EFNA3: variants seen among roughly 807,000 people sequenced by gnomAD.
EFNA3 encodes the protein ephrin-A3.
Under a neutral mutation model 25.0 loss-of-function variants are expected in EFNA3, and 15 were observed. The ratio of observed to expected loss-of-function variants is 0.60; its 90% CI spans 0.40 to 0.92. EFNA3 has a LOEUF of 0.92. Ranked by LOEUF, EFNA3 falls within the 40% of genes least tolerant of loss-of-function variation. The pLI is 0.00. For missense variants in EFNA3, 298 were observed against 323.8 expected, an observed-to-expected ratio of 0.92 and a Z score of 0.61; for synonymous variants, 153 against 145.6, an observed-to-expected ratio of 1.05 and a Z score of -0.37.
At position 155,085,536 on chromosome 1, in the gene EFNA3, G is replaced by A. The variant is rs1260475410; in HGVS notation, c.442+132G>A. 1.7e-6 allele frequency: 2 copies of A among 1,182,714 alleles called. No individual in the cohort carries two copies. The highest frequency in any genetic ancestry group is 2.9e-5 in the Admixed American group (1 of 34,480). The allele number at this position is 1,182,714 out of a possible 1,614,324, so 73.3% of individuals were successfully genotyped here. ...GTCTCGCGGCTGAGACCAGGGAGGA[G>A]GCGTGGGCACGGGACGCCTGAGGGG... On this transcript the variant is annotated intron_variant, in intron 2 of 4. Transcript: ENST00000368408. The surrounding 1 kb of genome is among the most constrained non-coding windows in gnomAD (Gnocchi z 4.4).
At position 155,085,774 on chromosome 1, in the gene EFNA3, C is replaced by T. The variant is rs538950545; in HGVS notation, c.443-103C>T. The T allele has an allele frequency of 9.2e-4, 1,306 of 1,416,678 alleles. 1 individual carries two copies. Among genetic ancestry groups the T allele is most frequent in the Non-Finnish European group, 1.1e-3 (1,121 of 1,029,768 alleles). 87.8% of individuals were successfully genotyped at this position (1,416,678 alleles called of 1,614,324 possible). On this transcript the variant is annotated intron_variant, in intron 2 of 4. Transcript: ENST00000368408. This position sits in a 1 kb window ranked among gnomAD's most constrained non-coding sequence, Gnocchi z 4.4. Reference sequence around the variant, plus strand: ...AGGGTAGGGGAGCTCCTGAAGGAGACCGCCCGACGGGGACAGTTTGGAGGG... The same window carrying T: ...AGGGTAGGGGAGCTCCTGAAGGAGATCGCCCGACGGGGACAGTTTGGAGGG...
At position 155,079,203 on chromosome 1, in the gene EFNA3, G is replaced by A. The variant is rs1320908527; in HGVS notation, c.128+134G>A. 1.5e-5 allele frequency: 16 copies of A among 1,042,162 alleles called. No homozygotes were observed. Among genetic ancestry groups the A allele is most frequent in the African/African-American group, 1.3e-4 (8 of 59,810 alleles). The allele number at this position is 1,042,162 out of a possible 1,614,324, so 64.6% of individuals were successfully genotyped here. On this transcript the variant is annotated intron_variant, in intron 1 of 4. Coordinates refer to ENST00000368408, the MANE Select transcript of EFNA3 (RefSeq NM_004952.5). The surrounding 1 kb of genome is among the most constrained non-coding windows in gnomAD (Gnocchi z 7.7). ...GCTGGGGGCTGGGAGGGGACGGAGA[G>A]GGGGACGCACTCTGTGGGCGTCTAG...
At chr1:155,083,320 C>A (rs1192851689) in intron 1 of EFNA3, among the ~76,000 whole-genome samples, 2 of 152,196 alleles carry the variant, frequency 1.3e-5, no homozygotes, top group African/African-American at 4.8e-5. Context: ...CCACTGGAGG[C>A]CCCCTCCCCA....
In EFNA3 at chr1:155,086,708, C is replaced by T. The variant is rs965888128; in HGVS notation, c.*165C>T. The T allele has an allele frequency of 2.4e-6, 2 of 834,454 alleles. No homozygotes were observed. Among genetic ancestry groups the T allele is most frequent in the South Asian group, 1.8e-5 (1 of 56,440 alleles). The allele number at this position is 834,454 out of a possible 1,614,324, so 51.7% of individuals were successfully genotyped here. A position where few individuals can be genotyped will look rare whatever the true frequency, so the allele number is the denominator to read the frequency against. ...GTCCGCCCCCTCTACCCCTTCCCCC[C>T]ACGTAGGGCACTGTAGTGGACCAAG... On this transcript the variant is annotated 3_prime_UTR_variant, in exon 5 of 5. Coordinates refer to ENST00000368408, the MANE Select transcript of EFNA3 (RefSeq NM_004952.5).
At chr1:155,086,352 C>CT (rs1663462199) in intron 4 of EFNA3, 61 bp from the exon 5 acceptor site, 1 of 1,602,896 alleles carries the variant, frequency 6.2e-7, no homozygotes, top group African/African-American at 1.3e-5. Flanking sequence ...GCTGCTGCCG[C>CT]GTGCCCCTGC....
In EFNA3 at chr1:155,079,870, C is replaced by A. The variant is rs1663307400; in HGVS notation, c.128+801C>A. On this transcript the variant is annotated intron_variant, in intron 1 of 4. Coordinates refer to ENST00000368408, the MANE Select transcript of EFNA3 (RefSeq NM_004952.5). This position sits in a 1 kb window ranked among gnomAD's most constrained non-coding sequence, Gnocchi z 7.7. ...AGCGGGCTGCGGGTCGGGGAAGGGG[C>A]TGCGGTCGCTGTCCGCGCGGCCAGC... Among the ~76,000 whole-genome samples the A allele has an allele frequency of 6.6e-6, 1 of 151,898 alleles. No homozygotes were observed. Among genetic ancestry groups the A allele is most frequent in the South Asian group, 2.1e-4 (1 of 4,816 alleles).
chr1:155,087,401 C>T lies in EFNA3; in HGVS notation c.*858C>T, dbSNP rs930848158. ...CGCCCCCTCCCTTCCAGCCCTGAGC[C>T]GGGAACCATCTCCCAGGACCTTGCC... On this transcript the variant is annotated 3_prime_UTR_variant, in exon 5 of 5. Transcript: ENST00000368408. 3 of 152,940 alleles carry T rather than the reference C, an allele frequency of 2.0e-5. No homozygotes were observed. The highest frequency in any genetic ancestry group is 7.2e-5 in the African/African-American group (3 of 41,444). 9.5% of individuals were successfully genotyped at this position (152,940 alleles called of 1,614,324 possible).
rs1663340544 is a variant in EFNA3, at chr1:155,081,358, A to AG, written c.128+2295dup. ...CCTAAGCCGGGAATCGAACTTGGTGAGGGGGGTTGGGACGGCCGATGGCCA... is the reference window on the plus strand; with the variant it reads ...CCTAAGCCGGGAATCGAACTTGGTGAGGGGGGGTTGGGACGGCCGATGGCCA... On this transcript the variant is annotated intron_variant, in intron 1 of 4. Transcript: ENST00000368408. This position sits in a 1 kb window ranked among gnomAD's most constrained non-coding sequence, Gnocchi z 5.2. Among the ~76,000 whole-genome samples, 1 of 152,124 alleles carries AG rather than the reference A, an allele frequency of 6.6e-6. No homozygotes were observed.
rs200132180 is a variant in EFNA3, at chr1:155,086,587, G to A, written c.*44G>A. 13,053 of 1,607,184 alleles carry A rather than the reference G, an allele frequency of 8.1e-3. 80 individuals carry two copies. The highest frequency in any genetic ancestry group is 9.6e-3 in the Non-Finnish European group (11,344 of 1,176,636). ...GGGGGGAGAGATGGGGCGGGGCTTG[G>A]AAGGAGCAGGGAGCCTTTGGCCTCT... On this transcript the variant is annotated 3_prime_UTR_variant, in exon 5 of 5. Transcript: ENST00000368408.
At chr1:155,086,020 G>A in intron 3 of EFNA3, 78 bp downstream of exon 3, 2 of 1,572,090 alleles carry the variant, frequency 1.3e-6, no homozygotes, top group Non-Finnish European at 8.6e-7. Flanking sequence ...CTGGGGGTGG[G>A]GGCGGAGGGC....
rs762323142 is a variant in EFNA3, at chr1:155,078,939, G to GGGATGGCGGCGGCTCCGC, written c.-2_16dup. On this transcript the variant is annotated 5_prime_UTR_variant, in exon 1 of 5. It adds an upstream start codon to the 5' untranslated region. Transcript: ENST00000368408. ...GGGGGCGGCGGCGGCGGCGGCTCCG[G>GGGATGGCGGCGGCTCCGC]GGATGGCGGCGGCTCCGCTGCTGCT... is the stretch of plus-strand genomic sequence containing the variant. 96 of 1,400,094 alleles carry GGGATGGCGGCGGCTCCGC rather than the reference G, an allele frequency of 6.9e-5. No homozygotes were observed. Among genetic ancestry groups the GGGATGGCGGCGGCTCCGC allele is most frequent in the Non-Finnish European group, 8.9e-5 (96 of 1,077,080 alleles). The allele number at this position is 1,400,094 out of a possible 1,614,324, so 86.7% of individuals were successfully genotyped here. A position where few individuals can be genotyped will look rare whatever the true frequency, so the allele number is the denominator to read the frequency against.
chr1:155,086,358 C>T, intron 4 of EFNA3, 55 bp from the exon 5 acceptor site: 2 of 1,606,440 alleles, frequency 1.2e-6, no homozygotes, highest in Non-Finnish European at 8.5e-7. Context: ...GCCGCGTGCC[C>T]CTGCCCTGGC....
chr1:155,079,197 C>G lies in EFNA3; in HGVS notation c.128+128C>G, dbSNP rs925456238. On this transcript the variant is annotated intron_variant, in intron 1 of 4. Transcript: ENST00000368408. This position sits in a 1 kb window ranked among gnomAD's most constrained non-coding sequence, Gnocchi z 7.7. ...ACCAGAGCTGGGGGCTGGGAGGGGACGGAGAGGGGGACGCACTCTGTGGGC... is the reference window on the plus strand; with the variant it reads ...ACCAGAGCTGGGGGCTGGGAGGGGAGGGAGAGGGGGACGCACTCTGTGGGC... 2.0e-6 allele frequency: 2 copies of G among 1,024,522 alleles called. No homozygotes were observed. The highest frequency in any genetic ancestry group is 4.6e-5 in the South Asian group (1 of 21,718). 63.5% of individuals were successfully genotyped at this position (1,024,522 alleles called of 1,614,324 possible). A position where few individuals can be genotyped will look rare whatever the true frequency, so the allele number is the denominator to read the frequency against.
At chr1:155,082,775 C>T (rs1400377510) in intron 1 of EFNA3, among the ~76,000 whole-genome samples, 1 of 152,128 alleles carries the variant, frequency 6.6e-6, no homozygotes, top group Non-Finnish European at 1.5e-5. Context: ...GCGGGGTTAG[C>T]TGCGGAGCTT....
intron 4 of EFNA3, 42 bp from the exon 5 acceptor site, chr1:155,086,371 G>A (rs901667525): frequency 6.2e-7 from 1 of 1,608,194 alleles, no homozygotes; most frequent in Non-Finnish European, 8.5e-7. Context: ...GCCCTGGCGC[G>A]CAACCCAGCC....
At chr1:155,082,090 G>C (rs902278805) in intron 1 of EFNA3, among the ~76,000 whole-genome samples, 2 of 152,270 alleles carry the variant, frequency 1.3e-5, no homozygotes, top group South Asian at 2.1e-4. Context: ...GAGGGGCGCA[G>C]AGGTGTCAGC....
Position 155,080,259 on chromosome 1 carries a change from C to A in EFNA3, c.128+1190C>A, listed in dbSNP as rs1423684751. Among the ~76,000 whole-genome samples the A allele has an allele frequency of 6.6e-6, 1 of 151,874 alleles. No individual in the cohort carries two copies. Among genetic ancestry groups the A allele is most frequent in the Non-Finnish European group, 1.5e-5 (1 of 67,898 alleles). ...GAGGGGACCGGGAGGGCCGGGCGGC[C>A]GCGACCCCCAACCTCTCGGAGGAGG... On this transcript the variant is annotated intron_variant, in intron 1 of 4. Transcript: ENST00000368408. The surrounding 1 kb of genome is among the most constrained non-coding windows in gnomAD (Gnocchi z 7.0).
In EFNA3 at chr1:155,085,872, C is replaced by T. The variant is rs937594473; in HGVS notation, c.443-5C>T. Reference sequence around the variant, plus strand: ...AAAGTGACTCAGGCCCGGTCTCCTCCCCAGCCACGCCCACTCACAACCTGC... The same window carrying T: ...AAAGTGACTCAGGCCCGGTCTCCTCTCCAGCCACGCCCACTCACAACCTGC... On this transcript the variant is annotated splice_region_variant and splice_polypyrimidine_tract_variant and intron_variant, in intron 2 of 4. Transcript: ENST00000368408. This position sits in a 1 kb window ranked among gnomAD's most constrained non-coding sequence, Gnocchi z 4.4. 2 of 1,613,058 alleles carry T rather than the reference C, an allele frequency of 1.2e-6. No individual in the cohort carries two copies. The highest frequency in any genetic ancestry group is 1.3e-5 in the African/African-American group (1 of 74,846).
In EFNA3 at chr1:155,078,996, C is replaced by T; in HGVS notation, c.55C>T (p.Pro19Ser). The T allele has an allele frequency of 7.0e-7, 1 of 1,436,076 alleles. No homozygotes were observed. Among genetic ancestry groups the T allele is most frequent in the Non-Finnish European group, 9.2e-7 (1 of 1,091,414 alleles). 89.0% of individuals were successfully genotyped at this position (1,436,076 alleles called of 1,614,324 possible). A position where few individuals can be genotyped will look rare whatever the true frequency, so the allele number is the denominator to read the frequency against. ...GCTGCTCGTGCCCGTGCCGCTGCTG[C>T]CGCTGCTGGCCCAAGGGCCCGGAGG... ...LLLLVPVPLL[P>S]LLAQGPGGAL... Residue 19 changes from proline to serine, a missense_variant, in exon 1 of 5, where the codon CCG (proline) becomes TCG (serine). Transcript: ENST00000368408.
Sources: allele counts gnomAD v4.1 joint callset (sites outside exome capture counted in the v4.1 genomes callset), GRCh38; gene constraint gnomAD v4.1.1; non-coding constraint Gnocchi (gnomAD v3.1); transcripts MANE v1.5; gene names NCBI Gene and HGNC (gene_info 2026-07-23, HGNC 2026-07-21).